SOBP: variants seen among roughly 807,000 people sequenced by gnomAD.
The protein encoded by SOBP is sine oculis binding protein homolog.
Under a neutral mutation model 53.6 loss-of-function variants are expected in SOBP, and 4 were observed. The ratio of observed to expected loss-of-function variants is 0.07; its 90% confidence interval spans 0.04 to 0.17. SOBP has a LOEUF of 0.17. Among genes scored for constraint, SOBP ranks in the 10% least tolerant of loss-of-function variants. SOBP has a pLI of 1.00. For synonymous variants in SOBP, 584 were observed against 522.6 expected (o/e 1.12, Z -1.60); for missense variants, 1,088 against 1,204.7 (o/e 0.90, Z 1.43).
In SOBP at chr6:107,660,649, C is replaced by T. The variant is rs544409515; in HGVS notation, c.*2446C>T. 9.2e-5 allele frequency among the ~76,000 whole-genome samples: 14 copies of T among 152,200 alleles called. No individual in the cohort carries two copies. Among genetic ancestry groups the T allele is most frequent in the Admixed American group, 5.2e-4 (8 of 15,294 alleles). ...GGTGGGTCCGTTTGGCTCTTTGATA[C>T]CTGAGTTAAATATCAGAAAGTTCCT... On this transcript the variant is annotated 3_prime_UTR_variant, in exon 7 of 7. Transcript: ENST00000317357.
Position 107,535,448 on chromosome 6 carries a change from T to C in SOBP, c.573+1838T>C, listed in dbSNP as rs566761183. On this transcript the variant is annotated intron_variant, in intron 4 of 6. Transcript: ENST00000317357. ...CTTTCTACCAGGCGTTATTGGGATA[T>C]GTCTTTGAACATCTTGCTAAACCTG... Among the ~76,000 whole-genome samples the C allele has an allele frequency of 6.6e-5, 10 of 152,328 alleles. 1 individual carries two copies. The South Asian group carries it at 1.7e-3, about 25-fold the overall frequency.
rs1309982409 is a variant in SOBP, at chr6:107,634,360, A to G, written c.1516A>G (p.Met506Val). 5 of 1,592,932 alleles carry G rather than the reference A, an allele frequency of 3.1e-6. No homozygotes were observed. The African/African-American group carries it at 6.7e-5, about 21-fold the overall frequency. Residue 506 changes from methionine (M) to valine (V), a missense_variant, in exon 6 of 7, where the codon ATG (methionine) becomes GTG (valine). Physicochemically the swap from Met to Val is conservative, Grantham distance 21. Transcript: ENST00000317357. The surrounding 1 kb of genome is among the most constrained non-coding windows in gnomAD (Gnocchi z 4.5). ...AAATGGCCCGATGCCGGTGCCCCAG[A>G]TGATGAATTTCGGGCTGCCGTCGCT... ...MPNGPMPVPQ[M>V]MNFGLPSLAP...
intron 1 of SOBP, among the ~76,000 whole-genome samples, chr6:107,496,514 T>G (rs975706953): frequency 3.3e-5 from 5 of 152,232 alleles, no homozygotes; most frequent in African/African-American, 1.2e-4. Context: ...AGAGTAAGAC[T>G]TTCTTTTCCA....
intron 4 of SOBP, among the ~76,000 whole-genome samples, chr6:107,566,058 C>T (rs905278332): frequency 2.0e-5 from 3 of 152,164 alleles, no homozygotes; most frequent in South Asian, 2.1e-4. Context: ...AGACACCCAC[C>T]GAAGGGTGAA....
At chr6:107,570,943 C>T (rs1198011624) in intron 4 of SOBP, among the ~76,000 whole-genome samples, 1 of 152,166 alleles carries the variant, frequency 6.6e-6, no homozygotes, top group African/African-American at 2.4e-5. Context: ...TTCGTGAATG[C>T]GAAGGGATTT....
intron 6 of SOBP, among the ~76,000 whole-genome samples, chr6:107,639,710 C>G (rs1326644085): frequency 6.6e-6 from 1 of 152,200 alleles, no homozygotes; most frequent in East Asian, 1.9e-4. Flanking sequence ...TGAATTTCTA[C>G]AGTTTACACT....
chr6:107,548,586 A>G (rs893241034), intron 4 of SOBP, among the ~76,000 whole-genome samples: 14 of 152,166 alleles, frequency 9.2e-5, no homozygotes, highest in Admixed American at 5.2e-4. Flanking sequence ...GAATTGTTTA[A>G]TAAGTAGAAA....
intron 5 of SOBP, among the ~76,000 whole-genome samples, chr6:107,603,157 T>A (rs1047737041): frequency 3.9e-5 from 6 of 152,224 alleles, no homozygotes; most frequent in African/African-American, 1.4e-4. Context: ...GCTTTGTTGA[T>A]GTTTTAAACT....
At chr6:107,540,950 A>C in intron 4 of SOBP, among the ~76,000 whole-genome samples, 1 of 152,330 alleles carries the variant, frequency 6.6e-6, no homozygotes, top group South Asian at 2.1e-4. Flanking sequence ...ATTTAAAATA[A>C]ATTTCTTTAA....
intron 6 of SOBP, among the ~76,000 whole-genome samples, chr6:107,645,372 T>C (rs1438907264): frequency 1.3e-5 from 2 of 152,116 alleles, no homozygotes; most frequent in Non-Finnish European, 2.9e-5. Context: ...GTAAAACATA[T>C]CCATTTTGCA....
At chr6:107,501,057 T>C (rs1392958388) in intron 1 of SOBP, among the ~76,000 whole-genome samples, 1 of 152,218 alleles carries the variant, frequency 6.6e-6, no homozygotes, top group Non-Finnish European at 1.5e-5. Context: ...GTGTTTATTT[T>C]TATTTTCCAT....
chr6:107,554,862 G>C (rs574128569), intron 4 of SOBP, among the ~76,000 whole-genome samples: 2 of 152,320 alleles, frequency 1.3e-5, no homozygotes, highest in Admixed American at 6.5e-5. Context: ...GCTGGGATGG[G>C]GGGTGGGAGG....
At chr6:107,656,307 G>A (rs1427189263) in intron 6 of SOBP, among the ~76,000 whole-genome samples, 1 of 13,216 alleles carries the variant, frequency 7.6e-5, no homozygotes, top group Admixed American at 8.7e-4. Context: ...AAGAAAGAAA[G>A]AAAGAAAGAA....
chr6:107,569,158 C>G (rs1784999872), intron 4 of SOBP, among the ~76,000 whole-genome samples: 1 of 152,132 alleles, frequency 6.6e-6, no homozygotes, highest in Non-Finnish European at 1.5e-5. Flanking sequence ...TGAGCAGTAT[C>G]AGATTTTGCT....
Position 107,661,215 on chromosome 6 carries a change from T to C in SOBP, c.*3012T>C, listed in dbSNP as rs1772281454. Among the ~76,000 whole-genome samples the C allele has an allele frequency of 6.6e-6, 1 of 152,180 alleles. No homozygotes were observed. On this transcript the variant is annotated 3_prime_UTR_variant, in exon 7 of 7. Transcript: ENST00000317357. ...CATCTCATAAGCCATCAGCACCCCT[T>C]TTCCTCCTCTTCCTTCTCACGATCT...
chr6:107,630,237 G>A (rs1194318415), intron 5 of SOBP, among the ~76,000 whole-genome samples: 1 of 152,142 alleles, frequency 6.6e-6, no homozygotes, highest in Non-Finnish European at 1.5e-5. Flanking sequence ...TTGGCATAAT[G>A]AGGAAAAAAT....
At chr6:107,585,955 TC>T (rs923248695) in intron 4 of SOBP, among the ~76,000 whole-genome samples, 12 of 152,240 alleles carry the variant, frequency 7.9e-5, no homozygotes, top group Admixed American at 3.9e-4. Flanking sequence ...CATTGTTTTC[TC>T]CCCCCTCAAT....
At chr6:107,583,305 G>T (rs1785461925) in intron 4 of SOBP, among the ~76,000 whole-genome samples, 1 of 152,050 alleles carries the variant, frequency 6.6e-6, no homozygotes, top group Non-Finnish European at 1.5e-5. Context: ...GGCTACTAGG[G>T]GAGACAAAAA....
intron 5 of SOBP, among the ~76,000 whole-genome samples, chr6:107,624,801 C>T (rs1770384720): frequency 6.6e-6 from 1 of 152,194 alleles, no homozygotes; most frequent in African/African-American, 2.4e-5. Context: ...GAAACCCAAG[C>T]TTGCTGTGGG....
Sources: gnomAD v4.1 joint callset for allele counts (sites outside exome capture counted in the v4.1 genomes callset) on GRCh38, gnomAD v4.1.1 for gene constraint, Gnocchi (gnomAD v3.1) non-coding constraint, MANE v1.5 for transcripts, NCBI Gene and HGNC (gene_info 2026-07-23, HGNC 2026-07-21) for gene names.